Variants in TTC7A observed in about 807,000 individuals in gnomAD.
TTC7A encodes the protein tetratricopeptide repeat domain 7A, also known as tetratricopeptide repeat protein 7A.
A neutral mutation model predicts 103.7 loss-of-function variants in TTC7A; 110 were observed. That is an observed-to-expected ratio of 1.06 (90% CI 0.91 to 1.24). The LOEUF (loss-of-function observed/expected upper bound fraction) is 1.24, where lower values mean the gene tolerates loss of function less well. TTC7A is among the 50% of genes most tolerant of loss of function. The pLI, the probability that TTC7A is intolerant of heterozygous loss-of-function variation, is 0.00. For missense variants in TTC7A, 1,340 were observed against 1,116.3 expected, an observed-to-expected ratio of 1.20 and a Z score of -2.86; for synonymous variants, 521 against 467.9, an observed-to-expected ratio of 1.11 and a Z score of -1.47.
At chr2:47,028,107 G>A (rs994118004) in intron 14 of TTC7A, among the ~76,000 whole-genome samples, 2 of 152,124 alleles carry the variant, frequency 1.3e-5, no homozygotes, top group African/African-American at 4.8e-5. Flanking sequence ...GGACTCTTGG[G>A]ACCCATCCTG....
chr2:46,933,984 TGGGA>T (rs1669840751), intron 2 of TTC7A, among the ~76,000 whole-genome samples: 1 of 152,186 alleles, frequency 6.6e-6, no homozygotes, highest in Non-Finnish European at 1.5e-5. Flanking sequence ...TTCTGATGGC[TGGGA>T]GCACTTGGTG....
intron 10 of TTC7A, among the ~76,000 whole-genome samples, chr2:47,008,480 G>A (rs1057277241): frequency 6.6e-5 from 10 of 152,238 alleles, no homozygotes; most frequent in Admixed American, 2.0e-4. Context: ...AGCTGGTTTC[G>A]CGACTTGGCT....
chr2:46,956,065 G>C (rs894684946), intron 2 of TTC7A, among the ~76,000 whole-genome samples: 1 of 152,216 alleles, frequency 6.6e-6, no homozygotes, highest in Non-Finnish European at 1.5e-5. Context: ...CCTCCCTCAG[G>C]CAACAGCACA....
chr2:47,023,566 T>C (rs1572940822), intron 13 of TTC7A, 101 bp downstream of exon 13: 4 of 1,250,024 alleles, frequency 3.2e-6, no homozygotes, highest in East Asian at 4.8e-5. Context: ...GAACAAACAT[T>C]TCTATCTCCA....
chr2:47,006,062 A>G lies in TTC7A; in HGVS notation c.1203+3A>G, dbSNP rs545951536. ...GACAGTACGTCATGCTCTCGGAGGT[A>G]CGGCCGGCCATGCAGCCCACCCCAC... On this transcript the variant is annotated splice_donor_region_variant and intron_variant, in intron 9 of 19. Coordinates refer to ENST00000319190, the MANE Select transcript of TTC7A (RefSeq NM_020458.4). 2.4e-5 allele frequency: 38 copies of G among 1,610,630 alleles called. No homozygotes were observed. In the East Asian group the frequency reaches 6.5e-4, roughly 27 times the overall value.
At chr2:46,924,384 T>G (rs1186228685) in intron 2 of TTC7A, among the ~76,000 whole-genome samples, 1 of 152,186 alleles carries the variant, frequency 6.6e-6, no homozygotes, top group Non-Finnish European at 1.5e-5. Context: ...TTTCCCTACT[T>G]TATTGTGAGC....
intron 15 of TTC7A, 52 bp downstream of exon 15, chr2:47,029,436 G>A: frequency 3.7e-6 from 6 of 1,602,068 alleles, no homozygotes; most frequent in Non-Finnish European, 5.1e-6. Context: ...GGCCTCTGCA[G>A]CAGGCGCCCA....
intron 15 of TTC7A, among the ~76,000 whole-genome samples, chr2:47,033,550 TG>T (rs1680784845): frequency 6.6e-6 from 1 of 152,202 alleles, no homozygotes; most frequent in South Asian, 2.1e-4. Context: ...CTGGTCCTTG[TG>T]TGAGAGCCAC....
chr2:47,039,717 T>TA (rs1287587401), intron 15 of TTC7A, among the ~76,000 whole-genome samples: 8 of 152,190 alleles, frequency 5.3e-5, no homozygotes, highest in African/African-American at 1.9e-4. Context: ...GATCCTGCCC[T>TA]AGGAGTGCAG....
chr2:46,968,519 C>T (rs868143303), intron 3 of TTC7A, among the ~76,000 whole-genome samples: 20 of 152,254 alleles, frequency 1.3e-4, no homozygotes, highest in Admixed American at 7.8e-4. Flanking sequence ...CCTTATCAAC[C>T]AGGGGACAAA....
chr2:47,066,255 C>T (rs1295384960), intron 19 of TTC7A: 2 of 152,204 alleles, frequency 1.3e-5, no homozygotes, highest in Admixed American at 6.5e-5. Flanking sequence ...CCGCCTCATT[C>T]TTTAAGTGGG....
intron 3 of TTC7A, among the ~76,000 whole-genome samples, chr2:46,973,153 T>C (rs1673521854): frequency 6.6e-6 from 1 of 152,202 alleles, no homozygotes. Flanking sequence ...TCCAATCCTG[T>C]TCCCTCTTTA....
intron 5 of TTC7A, among the ~76,000 whole-genome samples, chr2:46,990,968 A>G (rs992255381): frequency 3.9e-5 from 6 of 152,102 alleles, no homozygotes; most frequent in African/African-American, 9.7e-5. Flanking sequence ...GTTAGAGTGC[A>G]GTGATGCGAT....
At chr2:47,042,714 ATAAAG>A (rs1170109031) in intron 15 of TTC7A, among the ~76,000 whole-genome samples, 8 of 149,684 alleles carry the variant, frequency 5.3e-5, no homozygotes, top group African/African-American at 2.0e-4. Context: ...ATATATATGT[ATAAAG>A]TAATTAAGTG....
At chr2:47,026,662 G>A (rs1218611985) in intron 14 of TTC7A, among the ~76,000 whole-genome samples, 1 of 146,798 alleles carries the variant, frequency 6.8e-6, no homozygotes, top group African/African-American at 2.6e-5. Flanking sequence ...CTGGAAGGAA[G>A]GTTCTGTCCT....
At chr2:46,988,712 A>C (rs1675297894) in intron 5 of TTC7A, among the ~76,000 whole-genome samples, 1 of 152,208 alleles carries the variant, frequency 6.6e-6, no homozygotes, top group African/African-American at 2.4e-5. Flanking sequence ...GACTTAGCAA[A>C]TTGAGTCCCA....
rs565391402 is a variant in TTC7A, at chr2:46,923,966, C to T, written c.82+6689C>T. Among the ~76,000 whole-genome samples the T allele has an allele frequency of 4.6e-5, 7 of 151,962 alleles. 1 individual carries two copies. Among genetic ancestry groups the T allele is most frequent in the Non-Finnish European group, 8.8e-5 (6 of 67,928 alleles). The stretch of plus-strand genomic sequence containing the variant: ...GGCCAGGCTGGTCTCGAACTCCTGA[C>T]CTCAGGTGATCCACCCGCCTCGGCC... On this transcript the variant is annotated intron_variant, in intron 2 of 20. Transcript: ENST00000409245.
At chr2:47,053,606 CTG>C (rs993087978) in intron 18 of TTC7A, among the ~76,000 whole-genome samples, 1 of 150,682 alleles carries the variant, frequency 6.6e-6, no homozygotes, top group Non-Finnish European at 1.5e-5. Context: ...GAGTCTCACT[CTG>C]TGGCCCAGGC....
chr2:47,008,659 A>G (rs1463744961), intron 10 of TTC7A, among the ~76,000 whole-genome samples: 2 of 152,168 alleles, frequency 1.3e-5, no homozygotes, highest in African/African-American at 4.8e-5. Flanking sequence ...CTGCCCACCA[A>G]ATCAGTCTGC....
Sources: allele counts gnomAD v4.1 joint callset (sites outside exome capture counted in the v4.1 genomes callset), GRCh38; gene constraint gnomAD v4.1.1; transcripts MANE v1.5; gene names NCBI Gene and HGNC (gene_info 2026-07-23, HGNC 2026-07-21).